Variants in GRAMD2B observed in about 807,000 individuals in gnomAD.
GRAMD2B encodes GRAM domain containing 2B.
GRAMD2B carries 41 observed loss-of-function variants against 59.2 expected under a neutral mutation model. That is an observed-to-expected ratio of 0.69 (90% confidence interval 0.54 to 0.90). GRAMD2B has a LOEUF of 0.90. Ranked by LOEUF, GRAMD2B falls within the 40% of genes least tolerant of loss-of-function variation. GRAMD2B has a pLI of 0.00. For missense variants in GRAMD2B, 424 were observed against 500.5 expected, an observed-to-expected ratio of 0.85 and a Z score of 1.46; for synonymous variants, 161 against 182.7, an observed-to-expected ratio of 0.88 and a Z score of 0.96.
chr5:126,476,597 C>G (rs552696677), intron 5 of GRAMD2B, among the ~76,000 whole-genome samples: 1 of 152,206 alleles, frequency 6.6e-6, no homozygotes, highest in Non-Finnish European at 1.5e-5. Flanking sequence ...ATCAGATTGG[C>G]TTGAATTCCA....
At chr5:126,474,341 T>C (rs1770168347) in intron 5 of GRAMD2B, among the ~76,000 whole-genome samples, 1 of 152,230 alleles carries the variant, frequency 6.6e-6, no homozygotes, top group African/African-American at 2.4e-5. Flanking sequence ...ACTTAACAAA[T>C]CTAATAGGAA....
rs1293429312 is a variant in GRAMD2B, at chr5:126,493,727, G to A, written c.*771G>A. 2 of 152,450 alleles carry A rather than the reference G, an allele frequency of 1.3e-5. No homozygotes were observed. The highest frequency in any genetic ancestry group is 6.5e-5 in the Admixed American group (1 of 15,288). 9.4% of individuals were successfully genotyped at this position (152,450 alleles called of 1,614,324 possible). A position where few individuals can be genotyped will look rare whatever the true frequency, so the allele number is the denominator to read the frequency against. ...AAACCTAATTTTTAAGCCAAAAGGT[G>A]TAATAGTGATTTAATACAGGATGAA... On this transcript the variant is annotated 3_prime_UTR_variant, in exon 14 of 14. Coordinates refer to ENST00000285689, the MANE Select transcript of GRAMD2B (RefSeq NM_023927.4).
intron 1 of GRAMD2B, among the ~76,000 whole-genome samples, chr5:126,416,226 G>C (rs1478260196): frequency 6.6e-6 from 1 of 152,222 alleles, no homozygotes; most frequent in East Asian, 1.9e-4. Flanking sequence ...TAATCTGGTA[G>C]AGGCACTTGC....
chr5:126,371,342 G>C (rs1471772208), exon 1 of GRAMD2B: 2 of 1,167,998 alleles, frequency 1.7e-6, no homozygotes. Flanking sequence ...TGCAATTCAA[G>C]GACTGTACAA....
chr5:126,428,750 A>T (rs914384168), intron 1 of GRAMD2B, among the ~76,000 whole-genome samples: 1 of 152,234 alleles, frequency 6.6e-6, no homozygotes, highest in Non-Finnish European at 1.5e-5. Context: ...CACTTTTCAA[A>T]AGAAGACATA....
intron 1 of GRAMD2B, among the ~76,000 whole-genome samples, chr5:126,391,319 C>CAAAAAAAAAAAAAAAAAA (rs61181985): frequency 0.021 from 1,607 of 76,186 alleles, 347 homozygotes; most frequent in Non-Finnish European, 0.032. Flanking sequence ...GACTCCATCT[C>CAAAAAAAAAAAAAAAAAA]AAAAAAAAAA....
chr5:126,437,015 G>A (rs568350758), intron 1 of GRAMD2B, among the ~76,000 whole-genome samples: 1 of 152,334 alleles, frequency 6.6e-6, no homozygotes, highest in East Asian at 1.9e-4. Flanking sequence ...TAAGGCAGAA[G>A]CAGTAGGATG....
chr5:126,375,234 T>G (rs781126304), intron 1 of GRAMD2B, among the ~76,000 whole-genome samples: 4 of 152,222 alleles, frequency 2.6e-5, no homozygotes, highest in Admixed American at 1.3e-4. Context: ...GATTTCTAAA[T>G]TGATCTTATG....
intron 1 of GRAMD2B, among the ~76,000 whole-genome samples, chr5:126,398,600 T>C (rs1261341223): frequency 2.6e-5 from 4 of 152,136 alleles, no homozygotes; most frequent in Non-Finnish European, 5.9e-5. Flanking sequence ...TTGATTTACA[T>C]TGACTCTAAT....
upstream of GRAMD2B, among the ~76,000 whole-genome samples, chr5:126,368,445 T>G (rs1301110712): frequency 2.6e-5 from 4 of 152,220 alleles, no homozygotes; most frequent in Non-Finnish European, 5.9e-5. Context: ...TATTTAAACA[T>G]AAAGTCCAGC....
At chr5:126,377,851 C>T (rs563797119) in intron 1 of GRAMD2B, among the ~76,000 whole-genome samples, 1 of 152,054 alleles carries the variant, frequency 6.6e-6, no homozygotes, top group Non-Finnish European at 1.5e-5. Context: ...ATGTACAGAG[C>T]CAGAAACTAG....
intron 13 of GRAMD2B, among the ~76,000 whole-genome samples, chr5:126,490,077 T>A (rs191318093): frequency 2.2e-4 from 33 of 152,306 alleles, no homozygotes; most frequent in African/African-American, 7.5e-4. Flanking sequence ...ATCATTCTAT[T>A]TATGGGCAAA....
chr5:126,480,431 A>G lies in GRAMD2B; in HGVS notation c.583-25A>G, dbSNP rs777594122. The G allele has an allele frequency of 2.6e-6, 4 of 1,536,994 alleles. No individual in the cohort carries two copies. In the Admixed American group the frequency reaches 6.7e-5, roughly 26 times the overall value. On this transcript the variant is annotated intron_variant, in intron 6 of 13. Transcript: ENST00000285689. The stretch of plus-strand genomic sequence containing the variant: ...ACTTCTCATCCGGCAATATCTATTC[A>G]TAATTATCCTGTTTTGTTTTTCAGT...
At chr5:126,491,878 C>T (rs1774004210) in intron 13 of GRAMD2B, among the ~76,000 whole-genome samples, 1 of 152,144 alleles carries the variant, frequency 6.6e-6, no homozygotes, top group South Asian at 2.1e-4. Flanking sequence ...GGATTACAGG[C>T]ATCTGCCACC....
chr5:126,468,402 C>A (rs1488910396), intron 2 of GRAMD2B, among the ~76,000 whole-genome samples: 2 of 152,162 alleles, frequency 1.3e-5, no homozygotes, highest in Non-Finnish European at 2.9e-5. Flanking sequence ...TTTCCTCATA[C>A]CCAATTCTTG....
At chr5:126,424,345 T>C (rs746639424) in intron 1 of GRAMD2B, among the ~76,000 whole-genome samples, 4 of 152,082 alleles carry the variant, frequency 2.6e-5, no homozygotes, top group Non-Finnish European at 5.9e-5. Context: ...TGGTATTTTC[T>C]AAGCCTACTG....
intron 10 of GRAMD2B, among the ~76,000 whole-genome samples, chr5:126,485,051 T>C (rs1173308385): frequency 6.6e-6 from 1 of 152,188 alleles, no homozygotes; most frequent in African/African-American, 2.4e-5. Flanking sequence ...GGTCACTTCA[T>C]GATTCTGAAT....
At chr5:126,474,774 A>C (rs1053430457) in intron 5 of GRAMD2B, among the ~76,000 whole-genome samples, 3 of 152,246 alleles carry the variant, frequency 2.0e-5, no homozygotes, top group African/African-American at 7.2e-5. Context: ...CTTCTACCTA[A>C]GAACTGATAA....
At chr5:126,388,098 C>A (rs1756344454) in intron 1 of GRAMD2B, among the ~76,000 whole-genome samples, 1 of 152,144 alleles carries the variant, frequency 6.6e-6, no homozygotes. Flanking sequence ...TCAGGCCTGG[C>A]ACAGTGGCTC....
Sources: gnomAD v4.1 joint callset for allele counts (sites outside exome capture counted in the v4.1 genomes callset) on GRCh38, gnomAD v4.1.1 for gene constraint, MANE v1.5 for transcripts, NCBI Gene and HGNC (gene_info 2026-07-23, HGNC 2026-07-21) for gene names.